CD244: variants seen among roughly 807,000 people sequenced by gnomAD.
CD244 encodes the protein natural killer cell receptor 2B4.
In CD244, 20 loss-of-function variants were observed where a neutral mutation model predicts 45.5. That is an observed-to-expected ratio of 0.44 (90% CI 0.31 to 0.64). The LOEUF is 0.64. Among genes scored for constraint, CD244 ranks in the 30% least tolerant of loss-of-function variants. CD244 has a pLI of 0.08. For synonymous variants in CD244, 185 were observed against 160.5 expected (o/e 1.15, Z -1.15); for missense variants, 407 against 426.9 (o/e 0.95, Z 0.41).
At chr1:160,861,523 G>A (rs1670303486) in intron 1 of CD244, among the ~76,000 whole-genome samples, 1 of 152,116 alleles carries the variant, frequency 6.6e-6, no homozygotes, top group Non-Finnish European at 1.5e-5. Context: ...CCCCTGCAGA[G>A]TCACTGATCT....
intron 1 of CD244, among the ~76,000 whole-genome samples, chr1:160,855,845 G>A (rs114125352): frequency 0.021 from 3,139 of 152,280 alleles, 89 homozygotes; most frequent in African/African-American, 0.056. Context: ...GGATGGTCAA[G>A]GAGACAAGTA....
intron 1 of CD244, among the ~76,000 whole-genome samples, chr1:160,858,643 A>G (rs1571124027): frequency 6.6e-6 from 1 of 152,306 alleles, no homozygotes; most frequent in East Asian, 1.9e-4. Context: ...AAAATAATTC[A>G]CTTATTCACT....
rs55931893 is a variant in CD244, at chr1:160,841,921, C to G, written c.62-20G>C. ...GGCATCCTAGGAAAGAGAACCCAAG[C>G]TGAAAGTAGCGGGAAGAGTGTCAGG... On this transcript the variant is annotated intron_variant, in intron 1 of 8. Transcript: ENST00000368034. 1 of 1,608,932 alleles carries G rather than the reference C, an allele frequency of 6.2e-7. No homozygotes were observed. The highest frequency in any genetic ancestry group is 2.2e-5 in the East Asian group (1 of 44,866).
chr1:160,838,672 A>G, intron 4 of CD244, 154 bp from the exon 5 acceptor site: 1 of 659,138 alleles, frequency 1.5e-6, no homozygotes, highest in South Asian at 1.8e-5. Context: ...CCCAAAGAGC[A>G]CAGAGGCAGC....
chr1:160,861,381 C>T (rs1266236804), intron 1 of CD244, among the ~76,000 whole-genome samples: 1 of 152,190 alleles, frequency 6.6e-6, no homozygotes, highest in Non-Finnish European at 1.5e-5. Flanking sequence ...GAATTGAGTA[C>T]CTGGGCATGG....
chr1:160,838,422 G>C, intron 5 of CD244, 29 bp downstream of exon 5: 1 of 1,555,376 alleles, frequency 6.4e-7, no homozygotes, highest in East Asian at 2.2e-5. Context: ...AGCCAGCTGA[G>C]AGAGACCCCA....
intron 1 of CD244, among the ~76,000 whole-genome samples, chr1:160,855,899 G>A (rs138709202): frequency 2.0e-5 from 3 of 152,304 alleles, no homozygotes; most frequent in East Asian, 1.9e-4. Context: ...AGTGAGTCCC[G>A]CTCAGCCCTG....
At position 160,841,200 on chromosome 1, in the gene CD244, T is replaced by A. The variant is rs1669529581; in HGVS notation, c.655+10A>T. The A allele has an allele frequency of 6.2e-7, 1 of 1,613,924 alleles. No homozygotes were observed. ...TCAGCGCTTGTTATAGCCCAGTGTG[T>A]TCCACTTACCCTGATGGGCATTCTG... is the stretch of plus-strand genomic sequence containing the variant. On this transcript the variant is annotated intron_variant, in intron 3 of 8. Transcript: ENST00000368034.
chr1:160,852,421 C>T (rs1014859798), intron 1 of CD244, among the ~76,000 whole-genome samples: 2 of 151,694 alleles, frequency 1.3e-5, no homozygotes, highest in Admixed American at 6.6e-5. Flanking sequence ...ACGGTGGTGG[C>T]GCCTGTAATA....
At chr1:160,832,962 TACACATACAC>T (rs1306930024) in intron 7 of CD244, among the ~76,000 whole-genome samples, 5 of 26,278 alleles carry the variant, frequency 1.9e-4, no homozygotes, top group African/African-American at 5.9e-4. Context: ...CACATACACA[TACACATACAC>T]ATACACATAC....
In CD244 at chr1:160,831,359, A is replaced by G. The variant is rs1199534036; in HGVS notation, c.1086T>C (p.Asp362=). The change falls in exon 9 of 9, where the codon GAT becomes GAC. Residue 362 remains aspartate, a synonymous_variant. Transcript: ENST00000368034. The stretch of plus-strand genomic sequence containing the variant: ...ATTGCTGCAGCAACTAGGAATAAAC[A>G]TCAAAGTTCTCCAGCTCTTTGCGGC... ...RLSRKELENF[D]VYS 2 of 1,613,818 alleles carry G rather than the reference A, an allele frequency of 1.2e-6. No individual in the cohort carries two copies. The highest frequency in any genetic ancestry group is 1.1e-5 in the South Asian group (1 of 91,074).
At chr1:160,835,223 G>A (rs1480397186) in intron 6 of CD244, among the ~76,000 whole-genome samples, 1 of 152,122 alleles carries the variant, frequency 6.6e-6, no homozygotes, top group East Asian at 1.9e-4. Flanking sequence ...AGTATTAAAG[G>A]ATGCTTCTCC....
intron 5 of CD244, among the ~76,000 whole-genome samples, chr1:160,837,334 A>C (rs1445470350): frequency 6.6e-6 from 1 of 152,220 alleles, no homozygotes; most frequent in Non-Finnish European, 1.5e-5. Flanking sequence ...GCACCCGGGC[A>C]TCACTGGCTG....
chr1:160,862,802 G>T lies in CD244; in HGVS notation c.-125C>A. The T allele has an allele frequency of 1.4e-6, 1 of 731,328 alleles. No homozygotes were observed. The highest frequency in any genetic ancestry group is 2.2e-6 in the Non-Finnish European group (1 of 448,992). The allele number at this position is 731,328 out of a possible 1,614,324, so 45.3% of individuals were successfully genotyped here. Reference sequence around the variant, plus strand: ...GCAGAACTGCCTTGCAACCTGTCCAGCCACAGTTTCCTCAATTAGAGGCTG... The same window carrying T: ...GCAGAACTGCCTTGCAACCTGTCCATCCACAGTTTCCTCAATTAGAGGCTG... On this transcript the variant is annotated 5_prime_UTR_variant, in exon 1 of 9. It adds an upstream start codon to the 5' untranslated region. Transcript: ENST00000368034.
At chr1:160,848,682 G>T (rs1465239819) in intron 1 of CD244, among the ~76,000 whole-genome samples, 2 of 151,428 alleles carry the variant, frequency 1.3e-5, no homozygotes, top group Non-Finnish European at 2.9e-5. Context: ...CTACAAGGTT[G>T]TTGGTCATGC....
rs79507730 is a variant in CD244 at position 160,839,729 on chromosome 1, G to A, written c.656-680C>T. Among the ~76,000 whole-genome samples, 643 of 152,288 alleles carry A rather than the reference G, an allele frequency of 4.2e-3. 4 individuals carry two copies. The highest frequency in any genetic ancestry group is 0.015 in the African/African-American group (604 of 41,550). On this transcript the variant is annotated intron_variant, in intron 3 of 8. Transcript: ENST00000368034. ...CGTGGATCTTGGCATCTGTGGTTGC[G>A]AGGTGGGTCCTGGAACTAATTCGTC...
chr1:160,860,949 G>A (rs969301868), intron 1 of CD244, among the ~76,000 whole-genome samples: 1 of 152,166 alleles, frequency 6.6e-6, no homozygotes, highest in African/African-American at 2.4e-5. Flanking sequence ...TCACTCACCA[G>A]CTTCACCGTG....
In CD244 at chr1:160,841,876, C is replaced by A. The variant is rs1669558763; in HGVS notation, c.87G>T (p.Val29=). 6.2e-7 allele frequency: 1 copy of A among 1,613,888 alleles called. No homozygotes were observed. Among genetic ancestry groups the A allele is most frequent in the Non-Finnish European group, 8.5e-7 (1 of 1,179,978 alleles). The change falls in exon 2 of 9, where the codon GTG becomes GTT. Residue 29 remains valine, a synonymous_variant. Transcript: ENST00000368034. ...GKGCQGSADH[V]VSISGVPLQL... ...GAAGAGGCACTCCCGAGATGCTAAC[C>A]ACATGGTCAGCTGATCCCTGGCATC...
chr1:160,836,352 A>G (rs1669333787), intron 5 of CD244, 98 bp from the exon 6 acceptor site: 1 of 889,784 alleles, frequency 1.1e-6, no homozygotes, highest in Non-Finnish European at 1.8e-6. Flanking sequence ...AGGGCTTTTC[A>G]GGAGACTGGG....
Sources: allele counts gnomAD v4.1 joint callset (sites outside exome capture counted in the v4.1 genomes callset), GRCh38; gene constraint gnomAD v4.1.1; transcripts MANE v1.5; gene names NCBI Gene and HGNC (gene_info 2026-07-23, HGNC 2026-07-21).